Variants in GLRB observed in about 807,000 individuals in gnomAD.
The protein encoded by GLRB is glycine receptor beta, also known as glycine receptor subunit beta.
GLRB carries 33 observed loss-of-function variants against 54.2 expected under a neutral mutation model. The ratio of observed to expected loss-of-function variants is 0.61; its 90% confidence interval spans 0.46 to 0.81. The LOEUF is 0.81. GLRB is among the 40% of genes least tolerant of loss of function. The pLI, the probability that GLRB is intolerant of heterozygous loss-of-function variation, is 0.00. For missense variants in GLRB, 572 were observed against 584.6 expected (o/e 0.98, Z 0.22); for synonymous variants, 209 against 208.2 (o/e 1.00, Z -0.03).
At chr4:157,127,056 A>C (rs1736040926) in intron 4 of GLRB, among the ~76,000 whole-genome samples, 1 of 151,814 alleles carries the variant, frequency 6.6e-6, no homozygotes. Context: ...TGTGACTGTC[A>C]AGAAAAAAAT....
At chr4:157,096,603 G>A (rs1734820526) in intron 2 of GLRB, among the ~76,000 whole-genome samples, 1 of 152,182 alleles carries the variant, frequency 6.6e-6, no homozygotes, top group African/African-American at 2.4e-5. Context: ...CCTCAGAATA[G>A]CATTCATGTT....
chr4:157,098,771 A>G (rs547043749), intron 2 of GLRB, among the ~76,000 whole-genome samples: 2 of 151,216 alleles, frequency 1.3e-5, no homozygotes, highest in Non-Finnish European at 3.0e-5. Flanking sequence ...ATGCTGGCTA[A>G]TTTTTTTTGT....
chr4:157,156,301 A>G (rs1326298830), intron 9 of GLRB, among the ~76,000 whole-genome samples: 2 of 152,140 alleles, frequency 1.3e-5, no homozygotes, highest in Non-Finnish European at 2.9e-5. Context: ...AGAGAAATTG[A>G]GTTCTTAATT....
At chr4:157,166,520 T>A (rs753576785) in intron 9 of GLRB, among the ~76,000 whole-genome samples, 3 of 152,100 alleles carry the variant, frequency 2.0e-5, no homozygotes, top group Non-Finnish European at 4.4e-5. Flanking sequence ...TAATGAACCA[T>A]GACCTATTTA....
At chr4:157,085,129 T>A (rs1226727368) in intron 2 of GLRB, among the ~76,000 whole-genome samples, 1 of 152,218 alleles carries the variant, frequency 6.6e-6, no homozygotes, top group Non-Finnish European at 1.5e-5. Flanking sequence ...TCAGCATCCT[T>A]ATTATTCCAG....
intron 4 of GLRB, among the ~76,000 whole-genome samples, chr4:157,135,167 C>T (rs1320817916): frequency 6.6e-6 from 1 of 152,040 alleles, no homozygotes; most frequent in African/African-American, 2.4e-5. Context: ...ACAGCTTTAA[C>T]AACAAGTATG....
chr4:157,145,423 T>G (rs1736771348), intron 8 of GLRB, among the ~76,000 whole-genome samples: 1 of 152,178 alleles, frequency 6.6e-6, no homozygotes, highest in Non-Finnish European at 1.5e-5. Context: ...CAGGGAGTAT[T>G]AAGAAAATGA....
chr4:157,157,026 C>T (rs1381275740), intron 9 of GLRB, among the ~76,000 whole-genome samples: 1 of 152,152 alleles, frequency 6.6e-6, no homozygotes, highest in Non-Finnish European at 1.5e-5. Context: ...GGGTAGAGCT[C>T]CTTGATACTG....
chr4:157,162,936 G>A (rs935164613), intron 9 of GLRB, among the ~76,000 whole-genome samples: 1 of 152,168 alleles, frequency 6.6e-6, no homozygotes, highest in Non-Finnish European at 1.5e-5. Flanking sequence ...CCCCAGAGGT[G>A]GAGTCTAGAG....
chr4:157,114,925 G>A (rs1486869201), intron 2 of GLRB, among the ~76,000 whole-genome samples: 3 of 151,662 alleles, frequency 2.0e-5, no homozygotes, highest in African/African-American at 7.3e-5. Context: ...CTGCCATAAA[G>A]TTACTCTTTC....
intron 4 of GLRB, among the ~76,000 whole-genome samples, chr4:157,127,870 A>T (rs933983322): frequency 6.6e-6 from 1 of 151,922 alleles, no homozygotes; most frequent in African/African-American, 2.4e-5. Context: ...TTGGTCTTCT[A>T]AGCTACAGAA....
rs548883709 is a variant in GLRB at position 157,084,415 on chromosome 4, T to A, written c.122+6269T>A. Among the ~76,000 whole-genome samples, 3 of 152,332 alleles carry A rather than the reference T, an allele frequency of 2.0e-5. 1 individual carries two copies. Among genetic ancestry groups the A allele is most frequent in the South Asian group, 4.1e-4 (2 of 4,832 alleles). ...TCTGGGAAGCTTAATAACAAGTCCT[T>A]AAGTGTTGAGGGCTGCTATTATTTA... is the stretch of plus-strand genomic sequence containing the variant. On this transcript the variant is annotated intron_variant, in intron 2 of 9. Coordinates refer to ENST00000264428, the MANE Select transcript of GLRB (RefSeq NM_000824.5).
chr4:157,121,834 T>C (rs780202776), intron 3 of GLRB, among the ~76,000 whole-genome samples: 1 of 151,732 alleles, frequency 6.6e-6, no homozygotes, highest in Non-Finnish European at 1.5e-5. Context: ...CTGCTATGTG[T>C]CCAATTAGCT....
chr4:157,135,310 G>C (rs942413431), intron 4 of GLRB, among the ~76,000 whole-genome samples: 1 of 152,006 alleles, frequency 6.6e-6, no homozygotes, highest in African/African-American at 2.4e-5. Context: ...ACAGGGTTTT[G>C]GTGATTTACC....
At chr4:157,116,130 G>A (rs917952649) in intron 2 of GLRB, among the ~76,000 whole-genome samples, 1 of 151,736 alleles carries the variant, frequency 6.6e-6, no homozygotes, top group Non-Finnish European at 1.5e-5. Flanking sequence ...TTTTCCTTTA[G>A]TGCTGGAAAA....
intron 4 of GLRB, among the ~76,000 whole-genome samples, chr4:157,134,337 G>A (rs77359815): frequency 2.0e-5 from 3 of 151,790 alleles, no homozygotes; most frequent in Non-Finnish European, 2.9e-5. Flanking sequence ...AGGGAAGTTT[G>A]CTTGAGCCCA....
chr4:157,113,905 G>A (rs1467314217), intron 2 of GLRB, among the ~76,000 whole-genome samples: 1 of 151,864 alleles, frequency 6.6e-6, no homozygotes, highest in Non-Finnish European at 1.5e-5. Context: ...AGTTTAATCT[G>A]TGAAAACAGA....
At chr4:157,141,523 G>A (rs1736610844) in intron 7 of GLRB, among the ~76,000 whole-genome samples, 1 of 151,808 alleles carries the variant, frequency 6.6e-6, no homozygotes, top group Admixed American at 6.6e-5. Context: ...GATTATAGAA[G>A]TAACAAAAGT....
chr4:157,105,575 T>G (rs1735192731), intron 2 of GLRB, among the ~76,000 whole-genome samples: 1 of 152,028 alleles, frequency 6.6e-6, no homozygotes, highest in South Asian at 2.1e-4. Context: ...TTGTTGACTT[T>G]CTGTCTGATT....
Sources: allele counts gnomAD v4.1 joint callset (sites outside exome capture counted in the v4.1 genomes callset), GRCh38; gene constraint gnomAD v4.1.1; transcripts MANE v1.5; gene names NCBI Gene and HGNC (gene_info 2026-07-23, HGNC 2026-07-21).